The following RELN variants were observed in gnomAD, a reference collection of about 807,000 sequenced individuals.
RELN encodes the protein reelin.
In RELN, 108 loss-of-function variants were observed where a neutral mutation model predicts 427.6. The observed-to-expected ratio is 0.25, with a 90% CI of 0.22 to 0.30. RELN has a LOEUF of 0.30. RELN is among the 10% of genes least tolerant of loss of function. The pLI, the probability that RELN is intolerant of heterozygous loss-of-function variation, is 1.00. For synonymous variants in RELN, 1,524 were observed against 1,513.4 expected, an observed-to-expected ratio of 1.01 and a Z score of -0.16; for missense variants, 3,715 against 4,302.8, an observed-to-expected ratio of 0.86 and a Z score of 3.82.
intron 8 of RELN, among the ~76,000 whole-genome samples, chr7:103,717,490 A>ATTT (rs1244099361): frequency 3.6e-4 from 54 of 150,794 alleles, no homozygotes; most frequent in African/African-American, 1.3e-3. Context: ...CAAAAAAAAA[A>ATTT]ATTTGTTTTA....
At position 103,551,259 on chromosome 7, in the gene RELN, T is replaced by G; in HGVS notation, c.6110A>C (p.Asp2037Ala). Residue 2037 changes from aspartate (D) to alanine (A), a missense_variant, in exon 41 of 65, where the codon GAT becomes GCT. Coordinates refer to ENST00000428762, the MANE Select transcript of RELN (RefSeq NM_005045.4). ...CCTTGAAAATTCCAGTCTCACTGGA[T>G]CCGCGGATGAGCTATCAGTCGAACA... ...VGCSTDSSSADPVRLEFSRDF... is the reference protein window; with the variant it reads ...VGCSTDSSSAAPVRLEFSRDF... 6.2e-7 allele frequency: 1 copy of G among 1,613,836 alleles called. No homozygotes were observed. The highest frequency in any genetic ancestry group is 8.5e-7 in the Non-Finnish European group (1 of 1,179,950).
intron 3 of RELN, among the ~76,000 whole-genome samples, chr7:103,820,200 GGATTT>G (rs1468877615): frequency 6.6e-6 from 1 of 151,816 alleles, no homozygotes; most frequent in African/African-American, 2.4e-5. Flanking sequence ...AAATTTATTT[GGATTT>G]ATTTATAAAA....
At chr7:103,557,731 T>A (rs762396846) in intron 37 of RELN, among the ~76,000 whole-genome samples, 1 of 152,298 alleles carries the variant, frequency 6.6e-6, no homozygotes, top group African/African-American at 2.4e-5. Flanking sequence ...TTAACTACCA[T>A]AGAACTAATA....
intron 46 of RELN, among the ~76,000 whole-genome samples, chr7:103,529,591 G>A (rs1222183792): frequency 6.6e-6 from 1 of 151,836 alleles, no homozygotes; most frequent in Non-Finnish European, 1.5e-5. Context: ...TTCAGAGTAG[G>A]GGCTATGAAA....
chr7:103,602,616 G>A (rs190995772), intron 24 of RELN, among the ~76,000 whole-genome samples: 1 of 152,240 alleles, frequency 6.6e-6, no homozygotes, highest in East Asian at 1.9e-4. Context: ...TCACTCATAA[G>A]TGGGAGTTGA....
chr7:103,540,367 C>T lies in RELN; in HGVS notation c.6760G>A (p.Gly2254Ser), dbSNP rs780883877. The change falls in exon 44 of 65, where the codon GGT becomes AGT. Residue 2254 changes from glycine to serine, a missense_variant. Physicochemically the swap from Gly to Ser is moderately conservative, Grantham distance 56. Transcript: ENST00000428762. Reference sequence around the variant, plus strand: ...TGAAGAAGACTCCACGAGAGGCCACCGTTGAGAGAATACTGTAGGAGCACG... The same window carrying T: ...TGAAGAAGACTCCACGAGAGGCCACTGTTGAGAGAATACTGTAGGAGCACG... ...QPVLLQYSLNGGLSWSLLQEF... is the reference protein window; with the variant it reads ...QPVLLQYSLNSGLSWSLLQEF... 3.1e-5 allele frequency: 50 copies of T among 1,613,996 alleles called. No individual in the cohort carries two copies. The highest frequency in any genetic ancestry group is 3.9e-5 in the Non-Finnish European group (46 of 1,180,040).
intron 8 of RELN, among the ~76,000 whole-genome samples, chr7:103,721,120 G>C (rs2115897695): frequency 1.3e-5 from 2 of 151,974 alleles, no homozygotes; most frequent in Middle Eastern, 6.8e-3. Flanking sequence ...TTTCACTTCT[G>C]GTTCTAAAAC....
chr7:103,888,566 T>C (rs181705753), intron 2 of RELN, among the ~76,000 whole-genome samples: 13 of 152,212 alleles, frequency 8.5e-5, no homozygotes, highest in Non-Finnish European at 1.6e-4. Flanking sequence ...ACCATTTATT[T>C]AGCATTTTGC....
intron 28 of RELN, among the ~76,000 whole-genome samples, chr7:103,577,866 A>G (rs1831040760): frequency 6.6e-6 from 1 of 152,196 alleles, no homozygotes; most frequent in African/African-American, 2.4e-5. Flanking sequence ...TAGAACCCAG[A>G]GAAACATGGA....
intron 3 of RELN, among the ~76,000 whole-genome samples, chr7:103,780,185 G>A (rs962815514): frequency 1.3e-5 from 2 of 152,156 alleles, no homozygotes; most frequent in African/African-American, 4.8e-5. Context: ...CTTTGTCTTT[G>A]AAAATACCAT....
chr7:103,907,791 T>A (rs201998642), intron 2 of RELN, among the ~76,000 whole-genome samples: 252 of 20,068 alleles, frequency 0.013, 1 homozygote, highest in African/African-American at 0.045. Flanking sequence ...AAAAAAAAAC[T>A]TATTTTTTTT....
intron 11 of RELN, among the ~76,000 whole-genome samples, chr7:103,666,179 C>T (rs908777036): frequency 6.6e-6 from 1 of 151,996 alleles, no homozygotes; most frequent in Non-Finnish European, 1.5e-5. Flanking sequence ...AACCGCCCAC[C>T]TCAGGCTCTC....
At chr7:103,915,227 C>T (rs1044883066) in intron 2 of RELN, among the ~76,000 whole-genome samples, 2 of 152,082 alleles carry the variant, frequency 1.3e-5, no homozygotes, top group Non-Finnish European at 2.9e-5. Context: ...ATCTCTACTC[C>T]TTCATAGCTC....
intron 25 of RELN, 145 bp downstream of exon 25, chr7:103,596,311 C>T: frequency 1.4e-6 from 1 of 716,890 alleles, no homozygotes; most frequent in Non-Finnish European, 2.5e-6. Context: ...GAAATAAAAT[C>T]TTTATATACT....
intron 2 of RELN, among the ~76,000 whole-genome samples, chr7:103,864,423 CT>C (rs1794145339): frequency 6.6e-6 from 1 of 152,136 alleles, no homozygotes; most frequent in Non-Finnish European, 1.5e-5. Flanking sequence ...ATAACTAAAA[CT>C]TTATACCTCT....
chr7:103,863,450 T>G (rs1425940557), intron 2 of RELN, among the ~76,000 whole-genome samples: 1 of 152,184 alleles, frequency 6.6e-6, no homozygotes, highest in Non-Finnish European at 1.5e-5. Context: ...CAAACTGGAA[T>G]GCAGGTCTCC....
intron 11 of RELN, among the ~76,000 whole-genome samples, chr7:103,665,354 GTGTGTGTGTATATA>G (rs750516167): frequency 7.6e-6 from 1 of 130,842 alleles, no homozygotes; most frequent in East Asian, 2.2e-4. Context: ...GTGTGTGTGT[GTGTGTGTGTATATA>G]TATATATATA....
At chr7:103,681,974 A>G (rs1833661785) in intron 11 of RELN, 142 bp downstream of exon 11, 4 of 815,706 alleles carry the variant, frequency 4.9e-6, no homozygotes, top group Non-Finnish European at 8.5e-6. Flanking sequence ...GGGTAAGTGC[A>G]CCCCTTTTGG....
chr7:103,596,444 G>T lies in RELN; in HGVS notation c.3539+12C>A, dbSNP rs1216786948. On this transcript the variant is annotated intron_variant, in intron 25 of 64. Transcript: ENST00000428762. ...TGGAAACTAATGCGAGGACCATCAG[G>T]TGGGTAGTTACCTGGGTTTGCTGAA... 5 of 1,605,650 alleles carry T rather than the reference G, an allele frequency of 3.1e-6. No individual in the cohort carries two copies. Among genetic ancestry groups the T allele is most frequent in the Non-Finnish European group, 3.4e-6 (4 of 1,173,066 alleles).
Sources: allele counts gnomAD v4.1 joint callset (sites outside exome capture counted in the v4.1 genomes callset), GRCh38; gene constraint gnomAD v4.1.1; transcripts MANE v1.5; gene names NCBI Gene and HGNC (gene_info 2026-07-23, HGNC 2026-07-21).